Variants in WWTR1 observed in about 807,000 individuals in gnomAD.
WWTR1 encodes the protein WW domain containing transcription regulator 1.
Under a neutral mutation model 40.1 loss-of-function variants are expected in WWTR1, and 13 were observed. That is an observed-to-expected ratio of 0.32 (90% CI 0.21 to 0.52). The LOEUF (loss-of-function observed/expected upper bound fraction) is 0.52. Among genes scored for constraint, WWTR1 ranks in the 20% least tolerant of loss-of-function variants. The pLI is 0.97. For missense variants in WWTR1, 436 were observed against 523.1 expected (o/e 0.83, Z 1.63); for synonymous variants, 230 against 210.1 (o/e 1.09, Z -0.82).
chr3:149,554,972 G>C (rs1021831203), intron 3 of WWTR1, among the ~76,000 whole-genome samples: 1 of 152,178 alleles, frequency 6.6e-6, no homozygotes, highest in Non-Finnish European at 1.5e-5. Context: ...CAACTGTTTT[G>C]TTATCTTCAG....
At chr3:149,680,761 G>A (rs1227694055) in intron 1 of WWTR1, among the ~76,000 whole-genome samples, 1 of 152,084 alleles carries the variant, frequency 6.6e-6, no homozygotes, top group African/African-American at 2.4e-5. Context: ...AGGATTGCTT[G>A]AGCCCAGGAG....
chr3:149,551,128 T>C (rs1293238049), intron 3 of WWTR1, among the ~76,000 whole-genome samples: 5 of 143,888 alleles, frequency 3.5e-5, no homozygotes, highest in African/African-American at 1.3e-4. Flanking sequence ...AGAAACCCCA[T>C]CTCTATTAAA....
intron 2 of WWTR1, among the ~76,000 whole-genome samples, chr3:149,579,946 C>G (rs1275029949): frequency 2.0e-5 from 3 of 152,198 alleles, no homozygotes; most frequent in Non-Finnish European, 4.4e-5. Flanking sequence ...CCAGATAGGG[C>G]CTGCCAAGTA....
chr3:149,723,014 T>C (rs1218469358), intron 4 of WWTR1, among the ~76,000 whole-genome samples: 3 of 151,994 alleles, frequency 2.0e-5, no homozygotes, highest in Non-Finnish European at 4.4e-5. Flanking sequence ...TTAGGTCTCT[T>C]TTAGGGACAA....
At chr3:149,591,854 G>A (rs1738739687) in intron 2 of WWTR1, among the ~76,000 whole-genome samples, 1 of 152,074 alleles carries the variant, frequency 6.6e-6, no homozygotes, top group Non-Finnish European at 1.5e-5. Flanking sequence ...ATGTACAAAT[G>A]TTATCATATG....
chr3:149,580,260 G>A (rs1049961013), intron 2 of WWTR1, among the ~76,000 whole-genome samples: 9 of 152,026 alleles, frequency 5.9e-5, no homozygotes, highest in Non-Finnish European at 1.2e-4. Context: ...TTTTGCCAAC[G>A]GTACTTAGCT....
chr3:149,636,890 G>A (rs1307102516), intron 2 of WWTR1, among the ~76,000 whole-genome samples: 3 of 150,468 alleles, frequency 2.0e-5, no homozygotes, highest in Non-Finnish European at 4.4e-5. Flanking sequence ...CTTGAACCCA[G>A]GGGGCAGAGG....
At chr3:149,645,311 C>T (rs949991881) in intron 2 of WWTR1, among the ~76,000 whole-genome samples, 4 of 151,294 alleles carry the variant, frequency 2.6e-5, no homozygotes, top group Non-Finnish European at 4.4e-5. Context: ...GATCTCCTGA[C>T]CTCGTGATCT....
chr3:149,621,483 T>C (rs1221707926), intron 2 of WWTR1, among the ~76,000 whole-genome samples: 1 of 152,150 alleles, frequency 6.6e-6, no homozygotes. Flanking sequence ...TGTTGTATAT[T>C]CCCATGGTCA....
At chr3:149,526,189 A>ACAGT in intron 5 of WWTR1, 64 bp from the exon 6 acceptor site, 1 of 1,297,560 alleles carries the variant, frequency 7.7e-7, no homozygotes, top group Non-Finnish European at 1.1e-6. Context: ...AAATTAAAAC[A>ACAGT]CAGTCACAAA....
Position 149,520,976 on chromosome 3 carries a change from T to C in WWTR1, c.1032A>G (p.Gly344=), listed in dbSNP as rs977957934. The C allele has an allele frequency of 3.1e-6, 5 of 1,599,962 alleles. No homozygotes were observed. In the African/African-American group the frequency reaches 4.1e-5, roughly 13 times the overall value. The change falls in exon 7 of 7, where the codon GGA becomes GGG. Residue 344 remains glycine (G), a synonymous_variant. Transcript: ENST00000360632. The part of the protein sequence containing the change: ...VDEMDTGENA[G]QTPMNINPQQ... ...GGGGATTGATGTTCATGGGTGTTTG[T>C]CCTGCGTTTTCTCCTATAACAAAAT...
Position 149,517,688 on chromosome 3 carries a change from A to G in WWTR1, c.*3117T>C, listed in dbSNP as rs1489820206. On this transcript the variant is annotated 3_prime_UTR_variant, in exon 7 of 7. Coordinates refer to ENST00000360632, the MANE Select transcript of WWTR1 (RefSeq NM_015472.6). ...TTTCACTGTTTTACCTGTTTCCTGT[A>G]TATGGTGTAATCAGTGAAAGAAATG... 1.3e-5 allele frequency: 2 copies of G among 152,206 alleles called. No homozygotes were observed. Among genetic ancestry groups the G allele is most frequent in the Admixed American group, 1.3e-4 (2 of 15,280 alleles). 9.4% of individuals were successfully genotyped at this position (152,206 alleles called of 1,614,324 possible).
chr3:149,540,096 A>T, intron 4 of WWTR1: 2 of 412,620 alleles, frequency 4.8e-6, no homozygotes, highest in South Asian at 3.6e-5. Flanking sequence ...ACACACACAC[A>T]CACACACACA....
chr3:149,628,449 T>TCAAA (rs112814715), intron 2 of WWTR1, among the ~76,000 whole-genome samples: 9,621 of 152,284 alleles, frequency 0.063, 990 homozygotes, highest in African/African-American at 0.22. Flanking sequence ...ACAAGGAAAC[T>TCAAA]CAAACAAATA....
At chr3:149,575,571 T>C (rs1261118663) in intron 2 of WWTR1, among the ~76,000 whole-genome samples, 1 of 152,210 alleles carries the variant, frequency 6.6e-6, no homozygotes, top group African/African-American at 2.4e-5. Context: ...CGGTGAGATG[T>C]GGAAATATAC....
chr3:149,706,120 T>A (rs767475520), upstream of WWTR1, among the ~76,000 whole-genome samples: 4 of 152,034 alleles, frequency 2.6e-5, no homozygotes, highest in Non-Finnish European at 5.9e-5. Context: ...TGCTTGTGCC[T>A]GGGAGGTGGA....
intron 1 of WWTR1, among the ~76,000 whole-genome samples, chr3:149,696,449 A>G (rs949183728): frequency 3.9e-5 from 6 of 152,240 alleles, no homozygotes; most frequent in African/African-American, 1.4e-4. Flanking sequence ...AAGTACTAAT[A>G]GTATCCCCAT....
At chr3:149,563,280 T>C (rs532337836) in intron 3 of WWTR1, among the ~76,000 whole-genome samples, 1 of 152,138 alleles carries the variant, frequency 6.6e-6, no homozygotes, top group African/African-American at 2.4e-5. Flanking sequence ...CTAAAAGGCC[T>C]CCCTCTTCCC....
intron 4 of WWTR1, among the ~76,000 whole-genome samples, chr3:149,533,883 G>A (rs1483192136): frequency 6.6e-6 from 1 of 151,890 alleles, no homozygotes; most frequent in Non-Finnish European, 1.5e-5. Context: ...AGTGTTAAAT[G>A]GTGTGGGAGG....
Sources: gnomAD v4.1 joint callset for allele counts (sites outside exome capture counted in the v4.1 genomes callset) on GRCh38, gnomAD v4.1.1 for gene constraint, MANE v1.5 for transcripts, NCBI Gene and HGNC (gene_info 2026-07-23, HGNC 2026-07-21) for gene names.